Variants in ARMH3 observed in about 807,000 individuals in gnomAD.
The protein encoded by ARMH3 is armadillo-like helical domain-containing protein 3.
In ARMH3, 60 loss-of-function variants were observed where a neutral mutation model predicts 99.1. The ratio of observed to expected loss-of-function variants is 0.61; its 90% CI spans 0.49 to 0.75. ARMH3 has a LOEUF of 0.75. Among genes scored for constraint, ARMH3 ranks in the 30% least tolerant of loss-of-function variants. The pLI is 0.00. For missense variants in ARMH3, 679 were observed against 843.1 expected (o/e 0.81, Z 2.41); for synonymous variants, 285 against 292.8 (o/e 0.97, Z 0.27).
At chr10:101,980,541 C>A (rs1056875441) in intron 19 of ARMH3, among the ~76,000 whole-genome samples, 2 of 152,086 alleles carry the variant, frequency 1.3e-5, no homozygotes, top group Non-Finnish European at 2.9e-5. Context: ...TCAGGCGGTC[C>A]GCCCACCTCA....
At chr10:101,880,210 G>A (rs566888719) in intron 24 of ARMH3, among the ~76,000 whole-genome samples, 10 of 152,324 alleles carry the variant, frequency 6.6e-5, no homozygotes, top group Admixed American at 2.0e-4. Context: ...TATGGCTGTC[G>A]TGGGAGTCTT....
intron 4 of ARMH3, among the ~76,000 whole-genome samples, chr10:102,032,246 A>G (rs965558395): frequency 2.0e-5 from 3 of 152,202 alleles, no homozygotes; most frequent in Admixed American, 2.0e-4. Context: ...AAACTCTCAA[A>G]GTCTCTTCCC....
chr10:102,053,110 T>C (rs981253024), intron 1 of ARMH3, among the ~76,000 whole-genome samples: 1 of 150,510 alleles, frequency 6.6e-6, no homozygotes, highest in Admixed American at 6.7e-5. Context: ...TTCTTCAGAC[T>C]CTCAGTCAAT....
At chr10:102,025,056 G>T in intron 6 of ARMH3, 100 bp downstream of exon 6, 1 of 1,003,514 alleles carries the variant, frequency 1.0e-6, no homozygotes, top group Non-Finnish European at 1.5e-6. Flanking sequence ...CCCTCATTGA[G>T]AATATTTCTT....
intron 19 of ARMH3, among the ~76,000 whole-genome samples, chr10:101,982,035 A>AAAAC (rs1366769463): frequency 6.6e-6 from 1 of 150,714 alleles, no homozygotes; most frequent in Non-Finnish European, 1.5e-5. Context: ...AAAAAAAAAA[A>AAAAC]AAAAAAAAAC....
At chr10:101,986,653 C>G (rs1249281243) in intron 19 of ARMH3, among the ~76,000 whole-genome samples, 2 of 152,092 alleles carry the variant, frequency 1.3e-5, no homozygotes, top group Non-Finnish European at 1.5e-5. Context: ...ATTTCTCATT[C>G]TGCTGTATAC....
intron 23 of ARMH3, among the ~76,000 whole-genome samples, chr10:101,890,066 C>G (rs1441918341): frequency 6.6e-6 from 1 of 152,094 alleles, no homozygotes; most frequent in African/African-American, 2.4e-5. Context: ...TCTTAAAAAT[C>G]TCTGAAATCT....
intron 11 of ARMH3, among the ~76,000 whole-genome samples, chr10:102,011,068 C>G (rs2066619325): frequency 6.6e-6 from 1 of 152,166 alleles, no homozygotes; most frequent in African/African-American, 2.4e-5. Flanking sequence ...TGCCTAGATT[C>G]TAGAATCTCC....
chr10:101,973,692 A>G (rs1227467113), intron 20 of ARMH3, among the ~76,000 whole-genome samples: 2 of 152,196 alleles, frequency 1.3e-5, no homozygotes, highest in Admixed American at 1.3e-4. Context: ...CAGAGGCCAG[A>G]GATAGAATAG....
chr10:101,855,061 C>CTTT (rs36174325), intron 24 of ARMH3, among the ~76,000 whole-genome samples: 174 of 9,772 alleles, frequency 0.018, 5 homozygotes, highest in Non-Finnish European at 0.02. Context: ...ACTGTCTATT[C>CTTT]TTTTTTTTTT....
chr10:101,932,358 T>G (rs1843757036), intron 23 of ARMH3, among the ~76,000 whole-genome samples: 1 of 152,186 alleles, frequency 6.6e-6, no homozygotes. Flanking sequence ...GAGTGACAGT[T>G]ACTCAAAATG....
At position 101,995,280 on chromosome 10, in the gene ARMH3, A is replaced by C; in HGVS notation, c.1209+17T>G. 1 of 1,608,580 alleles carries C rather than the reference A, an allele frequency of 6.2e-7. No individual in the cohort carries two copies. The highest frequency in any genetic ancestry group is 8.5e-7 in the Non-Finnish European group (1 of 1,175,568). On this transcript the variant is annotated intron_variant, in intron 16 of 25. Coordinates refer to ENST00000370033, the MANE Select transcript of ARMH3 (RefSeq NM_024541.3). ...TTGTAAAAGACTGCCTAATAGCAGA[A>C]GGCTCGTGAGACCTACCTCTGCAAT...
intron 15 of ARMH3, among the ~76,000 whole-genome samples, chr10:101,998,599 T>C (rs1847165625): frequency 6.6e-6 from 1 of 152,220 alleles, no homozygotes; most frequent in African/African-American, 2.4e-5. Context: ...CCCAGGCTCC[T>C]TTCTGCTCTG....
chr10:102,015,722 C>G (rs1032709274), intron 8 of ARMH3, among the ~76,000 whole-genome samples: 5 of 152,250 alleles, frequency 3.3e-5, no homozygotes, highest in African/African-American at 1.2e-4. Flanking sequence ...CATCTGATTT[C>G]CAAGCAAACG....
At chr10:101,975,011 T>G (rs1443701271) in intron 20 of ARMH3, among the ~76,000 whole-genome samples, 1 of 119,568 alleles carries the variant, frequency 8.4e-6, no homozygotes, top group Non-Finnish European at 1.6e-5. Flanking sequence ...AATAGACATG[T>G]GACACACCCA....
At chr10:101,947,982 G>T (rs957547784) in intron 22 of ARMH3, among the ~76,000 whole-genome samples, 2 of 151,800 alleles carry the variant, frequency 1.3e-5, no homozygotes, top group South Asian at 2.1e-4. Flanking sequence ...AAATTAAAAT[G>T]GAATATTTAA....
chr10:102,009,128 T>C (rs1237657172), intron 13 of ARMH3, among the ~76,000 whole-genome samples: 1 of 152,114 alleles, frequency 6.6e-6, no homozygotes, highest in Admixed American at 6.6e-5. Flanking sequence ...TTCATTTGGG[T>C]TAACAGGATC....
intron 8 of ARMH3, 110 bp from the exon 9 acceptor site, chr10:102,014,134 T>C: frequency 2.7e-6 from 2 of 742,540 alleles, no homozygotes; most frequent in South Asian, 1.8e-5. Context: ...CTCTCTACAG[T>C]GATGCTCCTG....
At position 102,023,655 on chromosome 10, in the gene ARMH3, G is replaced by A. The variant is rs779668214; in HGVS notation, c.582+20C>T. 2 of 1,611,168 alleles carry A rather than the reference G, an allele frequency of 1.2e-6. No homozygotes were observed. The highest frequency in any genetic ancestry group is 4.5e-5 in the East Asian group (2 of 44,874). On this transcript the variant is annotated intron_variant, in intron 7 of 25. Transcript: ENST00000370033. ...GAAGAGGTGGTTTACCCCAAAGAGA[G>A]GAGGTAACAAGGGACCTACCTGTAA...
Sources: allele counts gnomAD v4.1 joint callset (sites outside exome capture counted in the v4.1 genomes callset), GRCh38; gene constraint gnomAD v4.1.1; transcripts MANE v1.5; gene names NCBI Gene and HGNC (gene_info 2026-07-23, HGNC 2026-07-21).